The following OPA3 variants were observed in gnomAD, a reference collection of about 807,000 sequenced individuals.
The protein encoded by OPA3 is outer mitochondrial membrane lipid metabolism regulator OPA3.
In OPA3, 6 loss-of-function variants were observed where a neutral mutation model predicts 4.0. The ratio of observed to expected loss-of-function variants is 1.51; its 90% CI spans 0.83 to 2.99. The LOEUF is 2.99. Ranked by LOEUF, OPA3 falls within the 30% of genes most tolerant of loss-of-function variation. OPA3 has a pLI of 0.00. For synonymous variants in OPA3, 105 were observed against 117.1 expected (o/e 0.90, Z 0.67); for missense variants, 235 against 256.2 (o/e 0.92, Z 0.56).
intron 1 of OPA3, among the ~76,000 whole-genome samples, chr19:45,555,648 G>A (rs374593181): frequency 6.6e-6 from 1 of 152,000 alleles, no homozygotes; most frequent in Non-Finnish European, 1.5e-5. Context: ...CCGCTACCAC[G>A]CCCAGCTAAT....
intron 1 of OPA3, among the ~76,000 whole-genome samples, chr19:45,565,216 G>A (rs1426690551): frequency 6.6e-6 from 1 of 151,838 alleles, no homozygotes; most frequent in Non-Finnish European, 1.5e-5. Context: ...CCTGGTGATA[G>A]AGCAAGACTC....
intron 1 of OPA3, among the ~76,000 whole-genome samples, chr19:45,568,360 T>A (rs1446980344): frequency 6.6e-6 from 1 of 151,970 alleles, no homozygotes; most frequent in Non-Finnish European, 1.5e-5. Context: ...TGGCTAATTT[T>A]TGTATTTTTA....
exon 2 of OPA3, chr19:45,529,439 T>C (rs1183747805): frequency 5.6e-6 from 9 of 1,614,158 alleles, no homozygotes; most frequent in Non-Finnish European, 7.6e-6. Context: ...TTGGTCCGCA[T>C]CTCCAGCCAG....
chr19:45,538,888 A>G (rs952672584), intron 1 of OPA3, among the ~76,000 whole-genome samples: 3 of 152,178 alleles, frequency 2.0e-5, no homozygotes, highest in Admixed American at 6.5e-5. Context: ...TCACACAGCT[A>G]TAAAGAAATT....
At chr19:45,545,709 T>G (rs1363519525), downstream of OPA3, among the ~76,000 whole-genome samples, 1 of 150,454 alleles carries the variant, frequency 6.6e-6, no homozygotes, top group East Asian at 1.9e-4. Flanking sequence ...TACATGCTTT[T>G]CTTTTTTTTT....
intron 1 of OPA3, among the ~76,000 whole-genome samples, chr19:45,534,655 T>C (rs552855397): frequency 2.6e-5 from 4 of 151,148 alleles, no homozygotes; most frequent in South Asian, 4.2e-4. Flanking sequence ...TTTTTTGAGA[T>C]GGAATCTTGC....
intron 1 of OPA3, among the ~76,000 whole-genome samples, chr19:45,583,749 G>A (rs1289718215): frequency 4.0e-5 from 6 of 149,806 alleles, no homozygotes; most frequent in African/African-American, 1.5e-4. Flanking sequence ...TGATCCGCCC[G>A]CCTCGGCCTC....
At chr19:45,542,669 T>G (rs887805258), downstream of OPA3, among the ~76,000 whole-genome samples, 291 of 14,580 alleles carry the variant, frequency 0.02, 1 homozygote, top group African/African-American at 0.044. Flanking sequence ...TTTTTTGTTT[T>G]TTTTTTTTTT....
exon 2 of OPA3, chr19:45,529,232 G>C: frequency 6.2e-7 from 1 of 1,612,896 alleles, no homozygotes; most frequent in Non-Finnish European, 8.5e-7. Flanking sequence ...ACCTCGCCCC[G>C]CAGCGCCTCC....
At chr19:45,558,451 A>G (rs750742589) in intron 1 of OPA3, among the ~76,000 whole-genome samples, 7 of 152,196 alleles carry the variant, frequency 4.6e-5, no homozygotes, top group Non-Finnish European at 7.3e-5. Context: ...ATGTAAAGCC[A>G]AAGTCCCCTC....
At chr19:45,557,430 G>A (rs979936244) in intron 1 of OPA3, among the ~76,000 whole-genome samples, 5 of 152,062 alleles carry the variant, frequency 3.3e-5, no homozygotes, top group South Asian at 2.1e-4. Context: ...GTGAGGGGCC[G>A]GGACAGGCTA....
In OPA3 at chr19:45,575,772, T is replaced by G. The variant is rs180755809; in HGVS notation, c.142+8851A>C. ...GCATGCATCACCATGCCCCACTAAT[T>G]GTTTTTTATTTTTAGTAGGGACAAG... On this transcript the variant is annotated intron_variant, in intron 1 of 1. Coordinates refer to ENST00000263275, the MANE Select transcript of OPA3 (RefSeq NM_025136.4). Among the ~76,000 whole-genome samples, 6 of 152,174 alleles carry G rather than the reference T, an allele frequency of 3.9e-5. No individual in the cohort carries two copies. The East Asian group carries it at 1.2e-3, about 30-fold the overall frequency.
downstream of OPA3, among the ~76,000 whole-genome samples, chr19:45,545,494 G>A (rs117644529): frequency 0.049 from 7,449 of 151,816 alleles, 218 homozygotes; most frequent in South Asian, 0.093. Flanking sequence ...TTGCACCACC[G>A]CACTCCAGCC....
In OPA3 at chr19:45,548,659, T is replaced by G. The variant is rs1293116863; in HGVS notation, c.*4855A>C. 62 of 907,380 alleles carry G rather than the reference T, an allele frequency of 6.8e-5. No homozygotes were observed. In the African/African-American group the frequency reaches 1.8e-3, roughly 26 times the overall value. The allele number at this position is 907,380 out of a possible 1,614,324, so 56.2% of individuals were successfully genotyped here. ...CAGTGAGTTTTGTGTTTTATTTTTT[T>G]TATTTTTTTTTTTTTTGCGGGAGAC... On this transcript the variant is annotated 3_prime_UTR_variant, in exon 2 of 2. Coordinates refer to ENST00000263275, the MANE Select transcript of OPA3 (RefSeq NM_025136.4).
In OPA3 at chr19:45,550,300, C is replaced by A; in HGVS notation, c.*3214G>T. 1 of 985,566 alleles carries A rather than the reference C, an allele frequency of 1.0e-6. No individual in the cohort carries two copies. Among genetic ancestry groups the A allele is most frequent in the Non-Finnish European group, 1.2e-6 (1 of 830,054 alleles). The allele number at this position is 985,566 out of a possible 1,614,324, so 61.1% of individuals were successfully genotyped here. A position where few individuals can be genotyped will look rare whatever the true frequency, so the allele number is the denominator to read the frequency against. On this transcript the variant is annotated 3_prime_UTR_variant, in exon 2 of 2. Coordinates refer to ENST00000263275, the MANE Select transcript of OPA3 (RefSeq NM_025136.4). ...AGGTGAGGATGGAAGTCGGGGAAAGCCCGGCCCTCCCACTTTCACCTGCAG... is the reference window on the plus strand; with the variant it reads ...AGGTGAGGATGGAAGTCGGGGAAAGACCGGCCCTCCCACTTTCACCTGCAG...
intron 1 of OPA3, among the ~76,000 whole-genome samples, chr19:45,565,036 C>A (rs1261694840): frequency 1.3e-5 from 2 of 150,348 alleles, no homozygotes; most frequent in Admixed American, 6.6e-5. Flanking sequence ...ACCATCCTGG[C>A]CAACATGGTG....
chr19:45,541,354 C>G (rs1277711624), downstream of OPA3, among the ~76,000 whole-genome samples: 1 of 152,048 alleles, frequency 6.6e-6, no homozygotes, highest in African/African-American at 2.4e-5. Context: ...CATAGCCATC[C>G]TGTACTATAG....
At chr19:45,567,339 CAAAAAAA>C (rs749982867) in intron 1 of OPA3, among the ~76,000 whole-genome samples, 6 of 60,584 alleles carry the variant, frequency 9.9e-5, no homozygotes, top group Admixed American at 5.8e-4. Flanking sequence ...GACCCTGTGT[CAAAAAAA>C]AAAAAAAAAA....
rs571592906 is a variant in OPA3, at chr19:45,549,096, C to T, written c.*4418G>A. The T allele has an allele frequency of 5.9e-4, 576 of 984,400 alleles. No homozygotes were observed. Among genetic ancestry groups the T allele is most frequent in the Admixed American group, 8.0e-4 (13 of 16,244 alleles). The allele number at this position is 984,400 out of a possible 1,614,324, so 61.0% of individuals were successfully genotyped here. A position where few individuals can be genotyped will look rare whatever the true frequency, so the allele number is the denominator to read the frequency against. On this transcript the variant is annotated 3_prime_UTR_variant, in exon 2 of 2. Coordinates refer to ENST00000263275, the MANE Select transcript of OPA3 (RefSeq NM_025136.4). The stretch of plus-strand genomic sequence containing the variant: ...CTAGGATTACAGGTGTGAGCCACTG[C>T]GCCCAGTCCCAAGGACTTTTTAAAT...
Sources: gnomAD v4.1 joint callset for allele counts (sites outside exome capture counted in the v4.1 genomes callset) on GRCh38, gnomAD v4.1.1 for gene constraint, MANE v1.5 for transcripts, NCBI Gene and HGNC (gene_info 2026-07-23, HGNC 2026-07-21) for gene names.